The following PDE1A variants were observed in gnomAD, a reference collection of about 807,000 sequenced individuals.
PDE1A encodes phosphodiesterase 1A.
In PDE1A, 35 loss-of-function variants were observed where a neutral mutation model predicts 61.7. The ratio of observed to expected loss-of-function variants is 0.57; its 90% CI spans 0.43 to 0.75. The LOEUF is 0.75. Ranked by LOEUF, PDE1A falls within the 30% of genes least tolerant of loss-of-function variation. The pLI is 0.00. For synonymous variants in PDE1A, 232 were observed against 213.2 expected (o/e 1.09, Z -0.77); for missense variants, 597 against 630.6 (o/e 0.95, Z 0.57).
the PDE1A span, among the ~76,000 whole-genome samples, chr2:182,685,315 C>T: frequency 1.7e-3 from 264 of 152,126 alleles, 2 homozygotes; most frequent in Non-Finnish European, 3.0e-3. Flanking sequence ...TCTCTGCTTT[C>T]GAAGCTCACT....
the PDE1A span, among the ~76,000 whole-genome samples, chr2:182,643,723 T>C: frequency 6.6e-6 from 1 of 152,096 alleles, no homozygotes; most frequent in African/African-American, 2.4e-5. Flanking sequence ...CCAGAAACAA[T>C]GGCTACTGTT....
the PDE1A span, among the ~76,000 whole-genome samples, chr2:182,626,858 TAC>T: frequency 4.1e-3 from 153 of 37,704 alleles, 21 homozygotes; most frequent in Non-Finnish European, 6.5e-3. Flanking sequence ...CATATATATA[TAC>T]ATATATATAT....
intron 1 of PDE1A, among the ~76,000 whole-genome samples, chr2:182,366,872 C>T (rs1699865551): frequency 6.6e-6 from 1 of 152,030 alleles, no homozygotes; most frequent in Non-Finnish European, 1.5e-5. Context: ...CTTGAGCAAT[C>T]AGAGTGGTAC....
the PDE1A span, among the ~76,000 whole-genome samples, chr2:182,577,976 GGAAGGAAGGAAGGA>G: frequency 5.4e-5 from 8 of 146,842 alleles, no homozygotes; most frequent in African/African-American, 2.1e-4. Flanking sequence ...AAGGAAGGAA[GGAAGGAAGGAAGGA>G]AGGGACGGAG....
chr2:182,355,423 A>G (rs1188077491), intron 1 of PDE1A, among the ~76,000 whole-genome samples: 1 of 151,904 alleles, frequency 6.6e-6, no homozygotes, highest in African/African-American at 2.4e-5. Flanking sequence ...TTAAATTTTA[A>G]AATATTTAAA....
intron 2 of PDE1A, among the ~76,000 whole-genome samples, chr2:182,479,959 T>A (rs1236919645): frequency 6.6e-6 from 1 of 151,854 alleles, no homozygotes; most frequent in African/African-American, 2.4e-5. Flanking sequence ...CTGTTTCATA[T>A]GGAGAACAAA....
chr2:182,703,373 A>T, the PDE1A span, among the ~76,000 whole-genome samples: 2 of 152,192 alleles, frequency 1.3e-5, no homozygotes, highest in African/African-American at 4.8e-5. Flanking sequence ...AATGTAGAGT[A>T]TACAGTTATG....
At chr2:182,602,992 C>T in the PDE1A span, among the ~76,000 whole-genome samples, 3,929 of 130,450 alleles carry the variant, frequency 0.03, 59 homozygotes, top group Middle Eastern at 0.062. Context: ...CACACACACA[C>T]ACATACATAC....
chr2:182,230,439 G>C (rs1391707338), intron 5 of PDE1A, among the ~76,000 whole-genome samples: 3 of 152,128 alleles, frequency 2.0e-5, no homozygotes, highest in Non-Finnish European at 4.4e-5. Flanking sequence ...ATTCGTAGAA[G>C]GGTAAATATT....
intron 8 of PDE1A, among the ~76,000 whole-genome samples, chr2:182,203,559 T>C (rs971197296): frequency 2.0e-5 from 3 of 152,190 alleles, no homozygotes; most frequent in African/African-American, 7.2e-5. Context: ...TTATGTTTGC[T>C]AAGGAAAATG....
At chr2:182,638,688 G>A in the PDE1A span, among the ~76,000 whole-genome samples, 1 of 152,156 alleles carries the variant, frequency 6.6e-6, no homozygotes, top group Middle Eastern at 3.2e-3. Flanking sequence ...TTTAGCAAAA[G>A]CAACTAAAAT....
chr2:182,156,449 GT>G, intron 13 of PDE1A, among the ~76,000 whole-genome samples: 1 of 151,908 alleles, frequency 6.6e-6, no homozygotes, highest in East Asian at 1.9e-4. Flanking sequence ...GAAGAGTTTG[GT>G]AACATGGTGC....
At chr2:182,572,645 C>T in the PDE1A span, among the ~76,000 whole-genome samples, 3 of 152,012 alleles carry the variant, frequency 2.0e-5, no homozygotes, top group Non-Finnish European at 2.9e-5. Flanking sequence ...CTGAGGCGGG[C>T]GGATCACGAG....
At chr2:182,531,054 A>G in the PDE1A span, among the ~76,000 whole-genome samples, 3 of 152,096 alleles carry the variant, frequency 2.0e-5, no homozygotes, top group African/African-American at 7.2e-5. Flanking sequence ...AAATAATGAC[A>G]TATCAGTAGA....
chr2:182,308,378 A>G (rs1415278577), intron 1 of PDE1A, among the ~76,000 whole-genome samples: 12 of 152,184 alleles, frequency 7.9e-5, no homozygotes, highest in Non-Finnish European at 1.8e-4. Flanking sequence ...CTAAAAATAT[A>G]TTAAATATTG....
In PDE1A at chr2:182,307,494, G is replaced by A. The variant is rs181996029; in HGVS notation, c.54-43080C>T. Among the ~76,000 whole-genome samples, 15 of 152,158 alleles carry A rather than the reference G, an allele frequency of 9.9e-5. No individual in the cohort carries two copies. In the East Asian group the frequency reaches 2.7e-3, roughly 27 times the overall value. On this transcript the variant is annotated intron_variant, in intron 1 of 13. Coordinates refer to ENST00000351439, the Ensembl canonical transcript of PDE1A. The stretch of plus-strand genomic sequence containing the variant: ...CCCAGCCTCTTGATTTTTGTCTTTT[G>A]AGCCTCCAAAGCTGTGAGTCAATGA...
intron 2 of PDE1A, among the ~76,000 whole-genome samples, chr2:182,260,531 T>C (rs889954972): frequency 1.3e-5 from 2 of 152,226 alleles, no homozygotes; most frequent in African/African-American, 4.8e-5. Flanking sequence ...AGCTGATATT[T>C]TGATCATGAA....
the PDE1A span, among the ~76,000 whole-genome samples, chr2:182,572,159 T>C: frequency 3.4e-3 from 521 of 152,310 alleles, 6 homozygotes; most frequent in Admixed American, 8.8e-3. Context: ...ATTGAAAGAA[T>C]GGAAGTCGGG....
the PDE1A span, among the ~76,000 whole-genome samples, chr2:182,672,835 A>G: frequency 6.6e-6 from 1 of 152,182 alleles, no homozygotes; most frequent in African/African-American, 2.4e-5. Flanking sequence ...TCTGAATTCT[A>G]TCAGTAATTC....
Sources: allele counts gnomAD v4.1 joint callset (sites outside exome capture counted in the v4.1 genomes callset), GRCh38; gene constraint gnomAD v4.1.1; transcripts MANE v1.5; gene names NCBI Gene and HGNC (gene_info 2026-07-23, HGNC 2026-07-21).